The following DTNBP1 variants were observed in gnomAD, a reference collection of about 807,000 sequenced individuals.
DTNBP1 encodes dysbindin.
A neutral mutation model predicts 42.8 loss-of-function variants in DTNBP1; 35 were observed. That is an observed-to-expected ratio of 0.82 (90% confidence interval 0.63 to 1.09). The LOEUF is 1.09. Among genes scored for constraint, DTNBP1 ranks in the 50% least tolerant of loss-of-function variants. The probability of loss-of-function intolerance (pLI) is 0.00; values close to 1 mark genes in which losing one functional copy is unlikely to be tolerated. For missense variants in DTNBP1, 457 were observed against 424.2 expected (o/e 1.08, Z -0.68); for synonymous variants, 171 against 162.2 (o/e 1.05, Z -0.41).
At chr6:15,527,492 A>G in intron 8 of DTNBP1, among the ~76,000 whole-genome samples, 1 of 152,226 alleles carries the variant, frequency 6.6e-6, no homozygotes. Context: ...GAAATTATGA[A>G]TGTCAAAATT....
chr6:15,602,682 CTT>C (rs2113659793), intron 6 of DTNBP1, among the ~76,000 whole-genome samples: 1 of 152,202 alleles, frequency 6.6e-6, no homozygotes, highest in South Asian at 2.1e-4. Context: ...ATCAATCTAA[CTT>C]TGGAAAAAAG....
At chr6:15,660,432 T>C (rs1394637401) in intron 1 of DTNBP1, 1 of 1,289,784 alleles carries the variant, frequency 7.8e-7, no homozygotes, top group Admixed American at 2.3e-5. Context: ...ACTGGGAGAC[T>C]GACATCACTT....
intron 7 of DTNBP1, among the ~76,000 whole-genome samples, chr6:15,550,199 C>T (rs1295468901): frequency 6.6e-6 from 1 of 151,046 alleles, no homozygotes; most frequent in Non-Finnish European, 1.5e-5. Context: ...ATGTTCAAAA[C>T]AATCACCTTT....
chr6:15,540,378 G>A (rs1355144811), intron 7 of DTNBP1, among the ~76,000 whole-genome samples: 2 of 152,114 alleles, frequency 1.3e-5, no homozygotes, highest in Non-Finnish European at 1.5e-5. Flanking sequence ...TCCAGAATAG[G>A]CAGCTCAAAA....
chr6:15,612,742 T>C (rs1758483751), intron 6 of DTNBP1, among the ~76,000 whole-genome samples: 1 of 152,208 alleles, frequency 6.6e-6, no homozygotes, highest in African/African-American at 2.4e-5. Flanking sequence ...ACATGACCTG[T>C]ACCCAAGCTG....
intron 7 of DTNBP1, among the ~76,000 whole-genome samples, chr6:15,537,687 G>A (rs780595101): frequency 3.3e-5 from 5 of 152,190 alleles, no homozygotes; most frequent in East Asian, 1.9e-4. Flanking sequence ...TAGTCCTCAC[G>A]AGATCTGACG....
At chr6:15,637,686 C>A (rs1167327317) in intron 4 of DTNBP1, 58 bp downstream of exon 4, 1 of 1,534,326 alleles carries the variant, frequency 6.5e-7, no homozygotes, top group Non-Finnish European at 9.0e-7. Flanking sequence ...TTAAAAAATA[C>A]CATTTAGCAC....
At chr6:15,535,847 T>C (rs1773197844) in intron 7 of DTNBP1, among the ~76,000 whole-genome samples, 2 of 152,208 alleles carry the variant, frequency 1.3e-5, no homozygotes, top group Admixed American at 6.5e-5. Context: ...CTGATAGTGA[T>C]GTGAACAATG....
chr6:15,595,811 G>A (rs191136460), intron 6 of DTNBP1, among the ~76,000 whole-genome samples: 1 of 152,324 alleles, frequency 6.6e-6, no homozygotes, highest in East Asian at 1.9e-4. Context: ...CAATACTTCA[G>A]CAAGTACTTG....
At chr6:15,536,358 T>C (rs1035612737) in intron 7 of DTNBP1, among the ~76,000 whole-genome samples, 2 of 152,222 alleles carry the variant, frequency 1.3e-5, no homozygotes, top group Admixed American at 1.3e-4. Context: ...AAAATAGTTT[T>C]GTGGGCCAGG....
At chr6:15,597,653 A>C (rs1209628988) in intron 6 of DTNBP1, among the ~76,000 whole-genome samples, 2 of 152,170 alleles carry the variant, frequency 1.3e-5, no homozygotes, top group Admixed American at 6.5e-5. Flanking sequence ...GCTGCCTTGT[A>C]ATGTGGTTCT....
At chr6:15,657,820 A>G (rs778309835) in intron 1 of DTNBP1, among the ~76,000 whole-genome samples, 2 of 152,234 alleles carry the variant, frequency 1.3e-5, no homozygotes, top group African/African-American at 2.4e-5. Context: ...TTCTATTATT[A>G]GGCACTAAAC....
At chr6:15,593,221 T>C in intron 6 of DTNBP1, 140 bp from the exon 7 acceptor site, 2 of 771,490 alleles carry the variant, frequency 2.6e-6, no homozygotes, top group Non-Finnish European at 2.1e-6. Flanking sequence ...TCAGTTATAC[T>C]TTACTGAAAT....
chr6:15,522,933 A>C lies in DTNBP1; in HGVS notation c.*42T>G. 6.2e-7 allele frequency: 1 copy of C among 1,614,222 alleles called. No homozygotes were observed. Among genetic ancestry groups the C allele is most frequent in the Non-Finnish European group, 8.5e-7 (1 of 1,180,050 alleles). ...CCAGGTGGAATTCCGCATACAGCCA[A>C]AACTGGATTCCAGTGTGGCCAGACA... On this transcript the variant is annotated 3_prime_UTR_variant, in exon 10 of 10. Coordinates refer to ENST00000344537, the MANE Select transcript of DTNBP1 (RefSeq NM_032122.5).
chr6:15,661,976 T>C (rs1327584751), intron 1 of DTNBP1, among the ~76,000 whole-genome samples: 1 of 152,148 alleles, frequency 6.6e-6, no homozygotes, highest in Non-Finnish European at 1.5e-5. Flanking sequence ...CGAGCCAGGA[T>C]GCCTAGGCAA....
intron 5 of DTNBP1, among the ~76,000 whole-genome samples, chr6:15,621,703 TATC>T (rs1759051805): frequency 6.6e-6 from 1 of 152,198 alleles, no homozygotes; most frequent in Non-Finnish European, 1.5e-5. Flanking sequence ...TTAAACTCCT[TATC>T]ATTCAGAGAG....
chr6:15,659,979 C>T (rs897295039), intron 1 of DTNBP1, among the ~76,000 whole-genome samples: 1 of 152,116 alleles, frequency 6.6e-6, no homozygotes, highest in African/African-American at 2.4e-5. Context: ...CCCCATGTGG[C>T]CCTTTAACAG....
intron 7 of DTNBP1, chr6:15,586,043 C>T: frequency 8.6e-7 from 1 of 1,160,416 alleles, no homozygotes; most frequent in Non-Finnish European, 1.1e-6. Flanking sequence ...GGGACCATAC[C>T]AAATGCAGCT....
At chr6:15,541,887 T>C (rs1773583094) in intron 7 of DTNBP1, among the ~76,000 whole-genome samples, 1 of 152,058 alleles carries the variant, frequency 6.6e-6, no homozygotes, top group Admixed American at 6.5e-5. Flanking sequence ...GTAATAAATA[T>C]AGTGAGGTGT....
Sources: gnomAD v4.1 joint callset for allele counts (sites outside exome capture counted in the v4.1 genomes callset) on GRCh38, gnomAD v4.1.1 for gene constraint, MANE v1.5 for transcripts, NCBI Gene and HGNC (gene_info 2026-07-23, HGNC 2026-07-21) for gene names.